CEP128: variants seen among roughly 807,000 people sequenced by gnomAD.
The protein encoded by CEP128 is centrosomal protein 128kDa.
CEP128 carries 132 observed loss-of-function variants against 156.7 expected under a neutral mutation model. The ratio of observed to expected loss-of-function variants is 0.84; its 90% CI spans 0.73 to 0.97. The LOEUF (loss-of-function observed/expected upper bound fraction) is 0.97, where lower values mean the gene tolerates loss of function less well. Ranked by LOEUF, CEP128 falls within the 50% of genes least tolerant of loss-of-function variation. CEP128 has a pLI of 0.00. For missense variants in CEP128, 1,252 were observed against 1,281.9 expected (o/e 0.98, Z 0.36); for synonymous variants, 469 against 448.9 (o/e 1.04, Z -0.57).
intron 13 of CEP128, among the ~76,000 whole-genome samples, chr14:80,795,291 G>A (rs1347695791): frequency 6.6e-6 from 1 of 152,052 alleles, no homozygotes; most frequent in African/African-American, 2.4e-5. Flanking sequence ...CATAACTCTG[G>A]ATTTAATTAC....
At chr14:80,701,024 G>T (rs1897057121) in intron 19 of CEP128, among the ~76,000 whole-genome samples, 1 of 152,094 alleles carries the variant, frequency 6.6e-6, no homozygotes, top group Non-Finnish European at 1.5e-5. Flanking sequence ...TCCCTTCTCT[G>T]TGCTCTGCGT....
In CEP128 at chr14:80,563,740, T is replaced by C. The variant is rs183906163; in HGVS notation, c.2857-4438A>G. On this transcript the variant is annotated intron_variant, in intron 20 of 24. Transcript: ENST00000555265. ...TTAGTAGAGACAGGGTTTCACTGTG[T>C]TAGCAAAGATGGTCTTGATCTCCTG... Among the ~76,000 whole-genome samples, 5 of 152,058 alleles carry C rather than the reference T, an allele frequency of 3.3e-5. No individual in the cohort carries two copies. In the East Asian group the frequency reaches 9.7e-4, roughly 29 times the overall value.
intron 7 of CEP128, 78 bp downstream of exon 7, chr14:80,899,860 A>G: frequency 9.7e-7 from 1 of 1,026,988 alleles, no homozygotes; most frequent in Admixed American, 2.0e-5. Flanking sequence ...AAAAATCTAG[A>G]TAAATATGTC....
chr14:80,544,108 G>T (rs796065486), intron 21 of CEP128, among the ~76,000 whole-genome samples: 14 of 152,236 alleles, frequency 9.2e-5, no homozygotes, highest in African/African-American at 3.4e-4. Flanking sequence ...CACTATACCA[G>T]ATTTTATTCT....
intron 13 of CEP128, among the ~76,000 whole-genome samples, chr14:80,801,738 C>T (rs1391365955): frequency 6.6e-6 from 1 of 151,658 alleles, no homozygotes; most frequent in Non-Finnish European, 1.5e-5. Flanking sequence ...GAAACCCCGT[C>T]TCTACTAAAA....
intron 19 of CEP128, among the ~76,000 whole-genome samples, chr14:80,632,591 C>CTA (rs1471521651): frequency 1.3e-5 from 2 of 149,890 alleles, no homozygotes; most frequent in African/African-American, 2.4e-5. Flanking sequence ...ATATAACATG[C>CTA]TATATATATT....
chr14:80,591,271 T>G (rs1337678193), intron 19 of CEP128, among the ~76,000 whole-genome samples: 1 of 151,654 alleles, frequency 6.6e-6, no homozygotes, highest in Non-Finnish European at 1.5e-5. Context: ...CCATCTCACG[T>G]ACAAAGACAC....
At chr14:80,728,293 T>C (rs1898096240) in intron 19 of CEP128, among the ~76,000 whole-genome samples, 1 of 152,158 alleles carries the variant, frequency 6.6e-6, no homozygotes, top group Non-Finnish European at 1.5e-5. Flanking sequence ...TTCCCACTTA[T>C]TAGTGAGACC....
chr14:80,889,147 TA>T (rs2139361094), intron 8 of CEP128, among the ~76,000 whole-genome samples: 1 of 152,126 alleles, frequency 6.6e-6, no homozygotes, highest in African/African-American at 2.4e-5. Context: ...AACAAATGGA[TA>T]AACATTCCAT....
chr14:80,708,019 T>C lies in CEP128; in HGVS notation c.2806+35056A>G, dbSNP rs1279510503. Among the ~76,000 whole-genome samples the C allele has an allele frequency of 3.9e-5, 6 of 152,178 alleles. No individual in the cohort carries two copies. In the East Asian group the frequency reaches 7.7e-4, roughly 20 times the overall value. On this transcript the variant is annotated intron_variant, in intron 19 of 24. Coordinates refer to ENST00000555265, the MANE Select transcript of CEP128 (RefSeq NM_152446.5). Reference sequence around the variant, plus strand: ...GTCATTTATCTCATATTATGGTATATCCTGTAGATTAATGTGCCATTTGAT... The same window carrying C: ...GTCATTTATCTCATATTATGGTATACCCTGTAGATTAATGTGCCATTTGAT...
chr14:80,855,267 C>G (rs1030862602), intron 9 of CEP128, among the ~76,000 whole-genome samples: 10 of 152,128 alleles, frequency 6.6e-5, no homozygotes, highest in African/African-American at 2.4e-4. Flanking sequence ...GGGGCTCACA[C>G]AGTCCTGTCC....
At chr14:80,843,107 A>G (rs1886424123) in intron 9 of CEP128, among the ~76,000 whole-genome samples, 1 of 151,968 alleles carries the variant, frequency 6.6e-6, no homozygotes, top group Non-Finnish European at 1.5e-5. Context: ...ATGTTTGTAG[A>G]CCTCTCACTT....
chr14:80,691,778 G>A (rs1257017396), intron 19 of CEP128, among the ~76,000 whole-genome samples: 1 of 152,038 alleles, frequency 6.6e-6, no homozygotes, highest in African/African-American at 2.4e-5. Flanking sequence ...ATTAGAAGAT[G>A]ATAATTAAAA....
chr14:80,626,612 G>T (rs934837129), intron 19 of CEP128, among the ~76,000 whole-genome samples: 6 of 152,000 alleles, frequency 3.9e-5, no homozygotes, highest in Non-Finnish European at 8.8e-5. Flanking sequence ...ACAACCACTA[G>T]AAGCTGAAAA....
chr14:80,746,286 T>C (rs34848301), intron 18 of CEP128, among the ~76,000 whole-genome samples: 49,069 of 152,014 alleles, frequency 0.32, 9,416 homozygotes, highest in Non-Finnish European at 0.43. Context: ...CAAAAAAAGA[T>C]ATTGGAAAAG....
intron 8 of CEP128, among the ~76,000 whole-genome samples, chr14:80,870,506 T>C (rs945145593): frequency 2.1e-4 from 32 of 152,052 alleles, no homozygotes; most frequent in African/African-American, 7.0e-4. Context: ...GTCTTCTCCA[T>C]AGATGCAGAA....
At chr14:80,862,522 C>T (rs1289858019) in intron 9 of CEP128, among the ~76,000 whole-genome samples, 18 of 152,198 alleles carry the variant, frequency 1.2e-4, no homozygotes, top group Admixed American at 1.2e-3. Flanking sequence ...TTTCCATTTT[C>T]CACAGACAAA....
intron 19 of CEP128, among the ~76,000 whole-genome samples, chr14:80,709,338 A>G (rs1230888766): frequency 1.3e-5 from 2 of 151,958 alleles, no homozygotes; most frequent in Admixed American, 6.6e-5. Flanking sequence ...GGGTTTCACT[A>G]TGTTGGCCAG....
chr14:80,595,007 G>A (rs770368571), intron 19 of CEP128, among the ~76,000 whole-genome samples: 6 of 152,180 alleles, frequency 3.9e-5, no homozygotes, highest in Middle Eastern at 3.4e-3. Context: ...TCATTCTACT[G>A]TTAAAACACA....
Sources: allele counts gnomAD v4.1 joint callset (sites outside exome capture counted in the v4.1 genomes callset), GRCh38; gene constraint gnomAD v4.1.1; transcripts MANE v1.5; gene names NCBI Gene and HGNC (gene_info 2026-07-23, HGNC 2026-07-21).